Variants in RIN3 observed in about 807,000 individuals in gnomAD.
The protein encoded by RIN3 is RAB5 interacting protein 3.
A neutral mutation model predicts 76.3 loss-of-function variants in RIN3; 54 were observed. The ratio of observed to expected loss-of-function variants is 0.71; its 90% CI spans 0.57 to 0.89. RIN3 has a LOEUF of 0.89. Ranked by LOEUF, RIN3 falls within the 40% of genes least tolerant of loss-of-function variation. The pLI, the probability that RIN3 is intolerant of heterozygous loss-of-function variation, is 0.00. For synonymous variants in RIN3, 576 were observed against 564.0 expected, an observed-to-expected ratio of 1.02 and a Z score of -0.30; for missense variants, 1,256 against 1,322.1, an observed-to-expected ratio of 0.95 and a Z score of 0.78.
chr14:92,547,906 G>C (rs1457943751), intron 1 of RIN3, among the ~76,000 whole-genome samples: 1 of 152,094 alleles, frequency 6.6e-6, no homozygotes, highest in African/African-American at 2.4e-5. Context: ...GTTTCACCAT[G>C]TTGGCCAGGC....
rs1243629596 is a variant in RIN3, at chr14:92,652,790, C to T, written c.1741C>T (p.Arg581Trp). The change falls in exon 6 of 10, where the codon CGG becomes TGG. Residue 581 changes from arginine (R) to tryptophan (W), a missense_variant. Transcript: ENST00000216487. The surrounding 1 kb of genome is among the most constrained non-coding windows in gnomAD (Gnocchi z 6.4). ...CATGATCCTGGGCAAGGCTCGGCAC[C>T]GGCTGAGCTTTGCCAGTTTCAGCAG... The part of the protein sequence containing the change: ...PSMILGKARH[R>W]LSFASFSSMF... 6.2e-7 allele frequency: 1 copy of T among 1,614,010 alleles called. No homozygotes were observed. The highest frequency in any genetic ancestry group is 8.5e-7 in the Non-Finnish European group (1 of 1,180,042).
chr14:92,521,103 T>A (rs1896585262), intron 1 of RIN3, among the ~76,000 whole-genome samples: 1 of 152,068 alleles, frequency 6.6e-6, no homozygotes, highest in South Asian at 2.1e-4. Flanking sequence ...TCCATTCTAT[T>A]CACCATCCAT....
intron 3 of RIN3, among the ~76,000 whole-genome samples, chr14:92,592,641 TGTATTATTA>T (rs947838346): frequency 7.6e-6 from 1 of 131,276 alleles, no homozygotes; most frequent in African/African-American, 3.0e-5. Context: ...TTTTAAATTT[TGTATTATTA>T]TTATTATTAT....
rs760738115 is a variant in RIN3, at chr14:92,652,829, TTCC to T, written c.1783_1785del (p.Leu595del). The T allele has an allele frequency of 1.2e-6, 2 of 1,614,060 alleles. No homozygotes were observed. The highest frequency in any genetic ancestry group is 3.3e-5 in the Admixed American group (2 of 60,030). On this transcript the variant is annotated inframe_deletion, in exon 6 of 10. Coordinates refer to ENST00000216487, the MANE Select transcript of RIN3 (RefSeq NM_024832.5). This position sits in a 1 kb window ranked among gnomAD's most constrained non-coding sequence, Gnocchi z 6.4. ...CAGTTTCAGCAGCATGTTCCACGCT[TTCC>T]TCTCCAACAACCGCAAGCTGTACAA...
intron 4 of RIN3, among the ~76,000 whole-genome samples, chr14:92,635,903 A>G (rs1440644832): frequency 1.3e-5 from 2 of 152,170 alleles, no homozygotes; most frequent in Non-Finnish European, 2.9e-5. Context: ...GATGTGCTCA[A>G]TTCGTTCTTT....
intron 7 of RIN3, among the ~76,000 whole-genome samples, chr14:92,665,673 G>A (rs145119617): frequency 1.0e-3 from 157 of 152,134 alleles, no homozygotes; most frequent in African/African-American, 3.2e-3. Flanking sequence ...GAGCCACCGC[G>A]CCTGGACTCT....
chr14:92,640,146 G>C (rs1886950904), intron 4 of RIN3, among the ~76,000 whole-genome samples: 1 of 138,542 alleles, frequency 7.2e-6, no homozygotes, highest in Admixed American at 7.1e-5. Context: ...CTGACTGTGT[G>C]TTCATCGGGG....
In RIN3 at chr14:92,652,058, C is replaced by A; in HGVS notation, c.1009C>A (p.Pro337Thr). 6.2e-7 allele frequency: 1 copy of A among 1,603,000 alleles called. No individual in the cohort carries two copies. Among genetic ancestry groups the A allele is most frequent in the Non-Finnish European group, 8.5e-7 (1 of 1,179,678 alleles). The change falls in exon 6 of 10, where the codon CCC becomes ACC. Residue 337 changes from proline to threonine, a missense_variant. Physicochemically the swap from Pro to Thr is conservative, Grantham distance 38. Coordinates refer to ENST00000216487, the MANE Select transcript of RIN3 (RefSeq NM_024832.5). The surrounding 1 kb of genome is among the most constrained non-coding windows in gnomAD (Gnocchi z 6.4). ...PGPPDHPNQP[P>T]MMTCERLPCP... is the part of the protein sequence containing the mutation. Reference sequence around the variant, plus strand: ...TCCCCCAGACCATCCGAACCAGCCGCCCATGATGACCTGCGAGAGACTCCC... The same window carrying A: ...TCCCCCAGACCATCCGAACCAGCCGACCATGATGACCTGCGAGAGACTCCC...
intron 7 of RIN3, among the ~76,000 whole-genome samples, chr14:92,676,189 T>C (rs2273925): frequency 0.28 from 42,310 of 151,300 alleles, 6,941 homozygotes; most frequent in Non-Finnish European, 0.36. Context: ...CAGGGGGCGG[T>C]CATGGAGAGG....
chr14:92,653,182 C>A, intron 6 of RIN3, 107 bp downstream of exon 6: 1 of 1,201,534 alleles, frequency 8.3e-7, no homozygotes, highest in Non-Finnish European at 1.1e-6. Flanking sequence ...TGTTGGTGCC[C>A]ACCCCCTATC....
chr14:92,643,474 T>C lies in RIN3; in HGVS notation c.532+2145T>C, dbSNP rs899447776. Among the ~76,000 whole-genome samples the C allele has an allele frequency of 1.3e-5, 2 of 152,272 alleles. No individual in the cohort carries two copies. The highest frequency in any genetic ancestry group is 4.8e-5 in the African/African-American group (2 of 41,480). On this transcript the variant is annotated intron_variant, in intron 5 of 9. Coordinates refer to ENST00000216487, the MANE Select transcript of RIN3 (RefSeq NM_024832.5). This position sits in a 1 kb window ranked among gnomAD's most constrained non-coding sequence, Gnocchi z 4.8. ...TAAACTTTGCTTCCCAGAATGTTAGTTGTTGGGCTCCAACCCTCCCAGGAT... is the reference window on the plus strand; with the variant it reads ...TAAACTTTGCTTCCCAGAATGTTAGCTGTTGGGCTCCAACCCTCCCAGGAT...
At chr14:92,537,300 G>A (rs1049622989) in intron 1 of RIN3, among the ~76,000 whole-genome samples, 1 of 151,958 alleles carries the variant, frequency 6.6e-6, no homozygotes, top group Non-Finnish European at 1.5e-5. Flanking sequence ...ACCCACCCTA[G>A]GAATCTTTCC....
chr14:92,522,898 C>T (rs1896636632), intron 1 of RIN3, among the ~76,000 whole-genome samples: 1 of 152,200 alleles, frequency 6.6e-6, no homozygotes, highest in African/African-American at 2.4e-5. Flanking sequence ...GTCCTTCTCT[C>T]CTTTCCTCTC....
At chr14:92,520,811 C>T (rs532244458) in intron 1 of RIN3, among the ~76,000 whole-genome samples, 33 of 152,292 alleles carry the variant, frequency 2.2e-4, no homozygotes, top group Admixed American at 1.8e-3. Context: ...AAAGAGTCAC[C>T]GGGGACCTTT....
chr14:92,621,972 G>A (rs1350938389), intron 4 of RIN3, among the ~76,000 whole-genome samples: 2 of 152,286 alleles, frequency 1.3e-5, no homozygotes, highest in East Asian at 1.9e-4. Context: ...GTTGTTAAAG[G>A]CCAGACCTCC....
intron 1 of RIN3, among the ~76,000 whole-genome samples, chr14:92,530,404 A>G (rs1039982128): frequency 1.3e-5 from 2 of 152,240 alleles, no homozygotes; most frequent in African/African-American, 2.4e-5. Context: ...TAGTGTATCA[A>G]TCAAGGCAAA....
chr14:92,594,612 C>T (rs757008800), intron 3 of RIN3, among the ~76,000 whole-genome samples: 7 of 152,186 alleles, frequency 4.6e-5, no homozygotes, highest in Non-Finnish European at 7.4e-5. Context: ...AATACTTTGA[C>T]GTAAATGAAA....
At chr14:92,629,979 CAGAG>C (rs1886511246) in intron 4 of RIN3, among the ~76,000 whole-genome samples, 1 of 152,212 alleles carries the variant, frequency 6.6e-6, no homozygotes, top group Non-Finnish European at 1.5e-5. Context: ...GTTAGGCTCT[CAGAG>C]AGGCAGGTTC....
At chr14:92,598,774 GA>G (rs1388330087) in intron 3 of RIN3, among the ~76,000 whole-genome samples, 1 of 152,138 alleles carries the variant, frequency 6.6e-6, no homozygotes, top group African/African-American at 2.4e-5. Flanking sequence ...AGTTAAGGCA[GA>G]AATAGAGAAT....
Sources: allele counts gnomAD v4.1 joint callset (sites outside exome capture counted in the v4.1 genomes callset), GRCh38; gene constraint gnomAD v4.1.1; non-coding constraint Gnocchi (gnomAD v3.1); transcripts MANE v1.5; gene names NCBI Gene and HGNC (gene_info 2026-07-23, HGNC 2026-07-21).